BCAT1: variants seen among roughly 807,000 people sequenced by gnomAD.
The protein encoded by BCAT1 is branched-chain-amino-acid aminotransferase, cytosolic.
In BCAT1, 48 loss-of-function variants were observed where a neutral mutation model predicts 52.4. The ratio of observed to expected loss-of-function variants is 0.92; its 90% confidence interval spans 0.73 to 1.16. The LOEUF (loss-of-function observed/expected upper bound fraction) is 1.16, where lower values mean the gene tolerates loss of function less well. Among genes scored for constraint, BCAT1 ranks in the 50% most tolerant of loss-of-function variants. The pLI is 0.00. For missense variants in BCAT1, 451 were observed against 457.1 expected, an observed-to-expected ratio of 0.99 and a Z score of 0.12; for synonymous variants, 167 against 161.3, an observed-to-expected ratio of 1.04 and a Z score of -0.27.
chr12:24,870,968 A>G (rs1942169850), intron 5 of BCAT1, among the ~76,000 whole-genome samples: 1 of 152,130 alleles, frequency 6.6e-6, no homozygotes, highest in South Asian at 2.1e-4. Flanking sequence ...GGTTGCAGTG[A>G]GCTGAGATCA....
intron 3 of BCAT1, among the ~76,000 whole-genome samples, chr12:24,890,550 T>C (rs1942808297): frequency 6.6e-6 from 1 of 152,198 alleles, no homozygotes; most frequent in African/African-American, 2.4e-5. Context: ...CTGCTCATTA[T>C]AAGCTAATTA....
Position 24,810,343 on chromosome 12 carries a change from T to C in BCAT1, c.*7665A>G, listed in dbSNP as rs929408940. 2 of 152,224 alleles carry C rather than the reference T, an allele frequency of 1.3e-5. No homozygotes were observed. The highest frequency in any genetic ancestry group is 2.9e-5 in the Non-Finnish European group (2 of 68,038). The allele number at this position is 152,224 out of a possible 1,614,324, so 9.4% of individuals were successfully genotyped here. ...AGGCACATATGTATATGGAATCAGA[T>C]TCATGATTTGAAAAATATGCTTAAA... On this transcript the variant is annotated 3_prime_UTR_variant, in exon 11 of 11. Transcript: ENST00000261192.
intron 5 of BCAT1, among the ~76,000 whole-genome samples, chr12:24,855,079 A>G (rs1325976108): frequency 6.6e-6 from 1 of 152,202 alleles, no homozygotes; most frequent in Non-Finnish European, 1.5e-5. Context: ...GAGCAACTCG[A>G]TAAGCAAAAA....
At chr12:24,932,400 G>A (rs1180722421) in intron 1 of BCAT1, among the ~76,000 whole-genome samples, 2 of 152,194 alleles carry the variant, frequency 1.3e-5, no homozygotes, top group Admixed American at 6.5e-5. Context: ...GTACTCAGGT[G>A]TCAGCTGAAA....
At chr12:24,857,731 C>T (rs1292098818) in intron 5 of BCAT1, among the ~76,000 whole-genome samples, 1 of 152,184 alleles carries the variant, frequency 6.6e-6, no homozygotes, top group Non-Finnish European at 1.5e-5. Context: ...AAGCAAATCC[C>T]TCTCAAAATC....
chr12:24,914,884 A>G (rs1943384847), intron 1 of BCAT1, among the ~76,000 whole-genome samples: 1 of 152,222 alleles, frequency 6.6e-6, no homozygotes, highest in Non-Finnish European at 1.5e-5. Context: ...TTCAGGATTC[A>G]GCCCAAATTG....
chr12:24,887,529 A>G (rs1591840954), intron 3 of BCAT1, among the ~76,000 whole-genome samples: 1 of 152,372 alleles, frequency 6.6e-6, no homozygotes, highest in African/African-American at 2.4e-5. Context: ...AGGAAAGCAA[A>G]GAAAGGTTAT....
At chr12:24,903,123 GCGCCAGGGCCAGGCGCAGGGTACGA>G in intron 1 of BCAT1, 1 of 1,322,682 alleles carries the variant, frequency 7.6e-7, no homozygotes, top group Non-Finnish European at 9.6e-7. Context: ...CTGGGGCCGC[GCGCCAGGGCCAGGCGCAGGGTACGA>G]CGCAACCCCT....
intron 6 of BCAT1, among the ~76,000 whole-genome samples, chr12:24,842,785 T>G (rs559770516): frequency 6.6e-6 from 1 of 152,164 alleles, no homozygotes; most frequent in Non-Finnish European, 1.5e-5. Context: ...AAAGTCTCGA[T>G]GTTGACCAAA....
At chr12:24,887,864 C>T (rs1490721961) in intron 3 of BCAT1, among the ~76,000 whole-genome samples, 5 of 152,164 alleles carry the variant, frequency 3.3e-5, no homozygotes, top group Admixed American at 3.3e-4. Context: ...CTATTTGAAA[C>T]TTTCAGATAT....
chr12:24,936,131 G>A (rs1402555153), intron 1 of BCAT1, among the ~76,000 whole-genome samples: 2 of 152,184 alleles, frequency 1.3e-5, no homozygotes, highest in Non-Finnish European at 2.9e-5. Context: ...CATTGTTTAG[G>A]TATCTGTTAC....
At chr12:24,911,170 C>G (rs1159079773) in intron 1 of BCAT1, among the ~76,000 whole-genome samples, 4 of 151,762 alleles carry the variant, frequency 2.6e-5, no homozygotes, top group Middle Eastern at 3.4e-3. Context: ...TTTTACATTA[C>G]TAATATTTTC....
intron 8 of BCAT1, 39 bp downstream of exon 8, chr12:24,836,472 T>A: frequency 6.6e-7 from 1 of 1,521,126 alleles, no homozygotes. Flanking sequence ...TATTTTTTAT[T>A]TCAGGCTTAC....
At chr12:24,829,028 T>TAAAA (rs1164674296) in intron 10 of BCAT1, among the ~76,000 whole-genome samples, 2 of 18,272 alleles carry the variant, frequency 1.1e-4, no homozygotes, top group Non-Finnish European at 2.0e-4. Flanking sequence ...AGTAAATAAA[T>TAAAA]AAATAAATAA....
In BCAT1 at chr12:24,836,524, AGG is replaced by A; in HGVS notation, c.888_889del (p.Leu297GlyfsTer6). 1 of 1,612,802 alleles carries A rather than the reference AGG, an allele frequency of 6.2e-7. No homozygotes were observed. Among genetic ancestry groups the A allele is most frequent in the East Asian group, 2.2e-5 (1 of 44,858 alleles). On this transcript the variant is annotated frameshift_variant, in exon 8 of 11. Transcript: ENST00000261192. LOFTEE classifies it high-confidence loss of function. ...AAAGGCACCCACCCACTGATGTGCCAGGTCCAGAATGCACCGCCTTGTCACTC... is the reference window on the plus strand; with the variant it reads ...AAAGGCACCCACCCACTGATGTGCCATCCAGAATGCACCGCCTTGTCACTC...
chr12:24,859,312 C>G (rs1941782312), intron 5 of BCAT1, among the ~76,000 whole-genome samples: 1 of 152,146 alleles, frequency 6.6e-6, no homozygotes, highest in Non-Finnish European at 1.5e-5. Flanking sequence ...GCTGTCTTCC[C>G]TCTATCAATG....
chr12:24,867,996 C>G, intron 5 of BCAT1, among the ~76,000 whole-genome samples: 1 of 152,204 alleles, frequency 6.6e-6, no homozygotes, highest in East Asian at 1.9e-4. Context: ...CAGAGCAAGA[C>G]TCCGTCTCAA....
At chr12:24,849,096 C>T (rs956764471) in intron 6 of BCAT1, among the ~76,000 whole-genome samples, 8 of 152,246 alleles carry the variant, frequency 5.3e-5, no homozygotes, top group Non-Finnish European at 1.2e-4. Context: ...CCATTTGATA[C>T]ATGCAAAGCA....
intron 1 of BCAT1, chr12:24,902,242 A>G (rs1337391268): frequency 3.3e-5 from 44 of 1,347,500 alleles, no homozygotes; most frequent in Non-Finnish European, 4.0e-5. Flanking sequence ...TGGGGTGTTA[A>G]GCCATTTATA....
Sources: allele counts gnomAD v4.1 joint callset (sites outside exome capture counted in the v4.1 genomes callset), GRCh38; gene constraint gnomAD v4.1.1; transcripts MANE v1.5; gene names NCBI Gene and HGNC (gene_info 2026-07-23, HGNC 2026-07-21).